Variants in CYP26B1 observed in about 807,000 individuals in gnomAD.
CYP26B1 encodes the protein cytochrome P450 26B1.
In CYP26B1, 8 loss-of-function variants were observed where a neutral mutation model predicts 39.1. The ratio of observed to expected loss-of-function variants is 0.20; its 90% CI spans 0.12 to 0.37. The LOEUF (loss-of-function observed/expected upper bound fraction) is 0.37, where lower values mean the gene tolerates loss of function less well. Among genes scored for constraint, CYP26B1 ranks in the 10% least tolerant of loss-of-function variants. The probability of loss-of-function intolerance (pLI) is 1.00; values close to 1 mark genes in which losing one functional copy is unlikely to be tolerated. For synonymous variants in CYP26B1, 321 were observed against 314.3 expected (o/e 1.02, Z -0.23); for missense variants, 615 against 707.0 (o/e 0.87, Z 1.48).
rs758517680 is a variant in CYP26B1, at chr2:72,144,184, C to T, written c.234G>A (p.Glu78=). 3 of 1,600,356 alleles carry T rather than the reference C, an allele frequency of 1.9e-6. No homozygotes were observed. The highest frequency in any genetic ancestry group is 1.1e-5 in the South Asian group (1 of 90,272). ...QGSGFQSSRR[E]KYGNVFKTHL... ...GCGTCTTGAACACGTTGCCATACTT[C>T]TCCCTCCGCGACGACTGGAAGCCAG... The change falls in exon 2 of 6, where the codon GAG becomes GAA. Residue 78 remains glutamate (E), a synonymous_variant. Coordinates refer to ENST00000001146, the MANE Select transcript of CYP26B1 (RefSeq NM_019885.4).
At chr2:72,143,863 G>T in intron 2 of CYP26B1, 126 bp downstream of exon 2, 2 of 1,162,470 alleles carry the variant, frequency 1.7e-6, no homozygotes, top group Non-Finnish European at 2.5e-6. Flanking sequence ...GGGGAACTGC[G>T]GAGTCTTCAA....
intron 2 of CYP26B1, among the ~76,000 whole-genome samples, chr2:72,139,835 C>A (rs1676887079): frequency 6.6e-6 from 1 of 152,200 alleles, no homozygotes; most frequent in Admixed American, 6.5e-5. Flanking sequence ...TCCCACCACC[C>A]CAGACTCCAT....
In CYP26B1 at chr2:72,132,016, G is replaced by T; in HGVS notation, c.*211C>A. ...CTGAGCTGATGGTAAATGGGGAGTG[G>T]CTGGAGGGAAGCTGGAGCCAGAAGG... On this transcript the variant is annotated 3_prime_UTR_variant, in exon 6 of 6. Transcript: ENST00000001146. 1 of 610,922 alleles carries T rather than the reference G, an allele frequency of 1.6e-6. No individual in the cohort carries two copies. Among genetic ancestry groups the T allele is most frequent in the Non-Finnish European group, 2.9e-6 (1 of 347,962 alleles). The allele number at this position is 610,922 out of a possible 1,614,324, so 37.8% of individuals were successfully genotyped here. A position where few individuals can be genotyped will look rare whatever the true frequency, so the allele number is the denominator to read the frequency against.
chr2:72,137,312 T>C (rs1297366007), intron 2 of CYP26B1, among the ~76,000 whole-genome samples: 1 of 152,186 alleles, frequency 6.6e-6, no homozygotes, highest in Non-Finnish European at 1.5e-5. Context: ...AGTGTGATCA[T>C]GGCCAAGTGG....
intron 2 of CYP26B1, among the ~76,000 whole-genome samples, chr2:72,141,807 A>G (rs958460342): frequency 6.6e-6 from 1 of 152,224 alleles, no homozygotes; most frequent in Non-Finnish European, 1.5e-5. Context: ...GTAAACTGAA[A>G]TCATCAGTTA....
At chr2:72,137,222 T>G (rs1676803026) in intron 2 of CYP26B1, among the ~76,000 whole-genome samples, 1 of 152,112 alleles carries the variant, frequency 6.6e-6, no homozygotes, top group Non-Finnish European at 1.5e-5. Flanking sequence ...CCAGCCAAAG[T>G]CGAAGCTGGT....
chr2:72,144,683 T>TG (rs770824996), intron 1 of CYP26B1, among the ~76,000 whole-genome samples: 1 of 152,178 alleles, frequency 6.6e-6, no homozygotes, highest in African/African-American at 2.4e-5. Context: ...CAACTACAGA[T>TG]GGGGGTTGGA....
Position 72,133,281 on chromosome 2 carries a change from C to T in CYP26B1, c.888G>A (p.Ala296=), listed in dbSNP as rs778121241. The T allele has an allele frequency of 2.0e-5, 32 of 1,608,522 alleles. No homozygotes were observed. The highest frequency in any genetic ancestry group is 2.5e-5 in the Non-Finnish European group (30 of 1,179,682). Residue 296 remains alanine (A), a synonymous_variant, in exon 5 of 6, where the codon GCG becomes GCA. Coordinates refer to ENST00000001146, the MANE Select transcript of CYP26B1 (RefSeq NM_019885.4). ...TGGCGCTGGCCGTGGTGGCATAGGCCGCAAAGATCAGCTCCAGGGTCCCGT... is the reference window on the plus strand; with the variant it reads ...TGGCGCTGGCCGTGGTGGCATAGGCTGCAAAGATCAGCTCCAGGGTCCCGT... ...LKDGTLELIF[A]AYATTASAST...
At chr2:72,146,702 C>A (rs916504389) in intron 1 of CYP26B1, among the ~76,000 whole-genome samples, 2 of 152,228 alleles carry the variant, frequency 1.3e-5, no homozygotes, top group Middle Eastern at 3.2e-3. Flanking sequence ...CGCGTACACA[C>A]AAATACACCT....
At position 72,131,463 on chromosome 2, in the gene CYP26B1, A is replaced by T. The variant is rs1254497044; in HGVS notation, c.*764T>A. 6.6e-6 allele frequency: 1 copy of T among 152,352 alleles called. No individual in the cohort carries two copies. Among genetic ancestry groups the T allele is most frequent in the Non-Finnish European group, 1.5e-5 (1 of 68,092 alleles). The allele number at this position is 152,352 out of a possible 1,614,324, so 9.4% of individuals were successfully genotyped here. Reference sequence around the variant, plus strand: ...CAAGATTCTCTATCAGTGAATAAATATGGGGGCGGGCAGCACATGAGCCGC... The same window carrying T: ...CAAGATTCTCTATCAGTGAATAAATTTGGGGGCGGGCAGCACATGAGCCGC... On this transcript the variant is annotated 3_prime_UTR_variant, in exon 6 of 6. Transcript: ENST00000001146.
At position 72,147,265 on chromosome 2, in the gene CYP26B1, G is replaced by C. The variant is rs1218136121; in HGVS notation, c.204+366C>G. Among the ~76,000 whole-genome samples, 5 of 152,284 alleles carry C rather than the reference G, an allele frequency of 3.3e-5. No homozygotes were observed. Among genetic ancestry groups the C allele is most frequent in the African/African-American group, 1.2e-4 (5 of 41,574 alleles). ...GGCGACTGGGGGCTTGCAGCACCGAGGGGAGGCGAAAGCGGCTCAGGACCG... is the reference window on the plus strand; with the variant it reads ...GGCGACTGGGGGCTTGCAGCACCGACGGGAGGCGAAAGCGGCTCAGGACCG... On this transcript the variant is annotated intron_variant, in intron 1 of 5. Coordinates refer to ENST00000001146, the MANE Select transcript of CYP26B1 (RefSeq NM_019885.4). The surrounding 1 kb of genome is among the most constrained non-coding windows in gnomAD (Gnocchi z 6.1).
chr2:72,136,689 C>T (rs973791775), intron 2 of CYP26B1, among the ~76,000 whole-genome samples: 2 of 152,204 alleles, frequency 1.3e-5, no homozygotes, highest in Admixed American at 1.3e-4. Flanking sequence ...GTCATTCACA[C>T]CTTGCCCAGT....
intron 2 of CYP26B1, among the ~76,000 whole-genome samples, chr2:72,142,729 C>T (rs1676978069): frequency 1.3e-5 from 2 of 152,196 alleles, no homozygotes; most frequent in Admixed American, 6.5e-5. Flanking sequence ...ACAGCCCCTT[C>T]CAGCCACTCC....
At position 72,147,542 on chromosome 2, in the gene CYP26B1, C is replaced by T; in HGVS notation, c.204+89G>A. 2.2e-6 allele frequency: 3 copies of T among 1,352,168 alleles called. No homozygotes were observed. The highest frequency in any genetic ancestry group is 3.0e-5 in the African/African-American group (2 of 65,698). 83.8% of individuals were successfully genotyped at this position (1,352,168 alleles called of 1,614,324 possible). ...GGCGGGGACCAGTGCCTTCAGGCTC[C>T]CGGCGCCCCCTGGCCGGCCCGCCGC... On this transcript the variant is annotated intron_variant, in intron 1 of 5. Coordinates refer to ENST00000001146, the MANE Select transcript of CYP26B1 (RefSeq NM_019885.4). The surrounding 1 kb of genome is among the most constrained non-coding windows in gnomAD (Gnocchi z 6.1).
intron 4 of CYP26B1, among the ~76,000 whole-genome samples, chr2:72,134,212 G>C (rs1676685289): frequency 6.6e-6 from 1 of 152,134 alleles, no homozygotes; most frequent in Non-Finnish European, 1.5e-5. Flanking sequence ...GCAGAGCCCA[G>C]GTGGGGATGG....
chr2:72,134,922 G>A lies in CYP26B1; in HGVS notation c.706-6C>T, dbSNP rs1558967606. ...ATCTGCCGAGCCTGAATGCCCTGCAGAGGTGAGGGCTGTCACTCATATGGA... is the reference window on the plus strand; with the variant it reads ...ATCTGCCGAGCCTGAATGCCCTGCAAAGGTGAGGGCTGTCACTCATATGGA... On this transcript the variant is annotated splice_polypyrimidine_tract_variant and splice_region_variant and intron_variant, in intron 3 of 5. Transcript: ENST00000001146. The A allele has an allele frequency of 6.2e-7, 1 of 1,613,560 alleles. No individual in the cohort carries two copies. The highest frequency in any genetic ancestry group is 2.2e-5 in the East Asian group (1 of 44,860).
intron 2 of CYP26B1, among the ~76,000 whole-genome samples, chr2:72,140,302 G>A (rs564110843): frequency 1.3e-4 from 20 of 152,352 alleles, no homozygotes; most frequent in East Asian, 3.9e-4. Context: ...GCAGCTGACC[G>A]TGGGCTCCCT....
chr2:72,141,061 C>A (rs3768641), intron 2 of CYP26B1, among the ~76,000 whole-genome samples: 2 of 152,072 alleles, frequency 1.3e-5, no homozygotes, highest in African/African-American at 4.8e-5. Flanking sequence ...CTTCTAGAAC[C>A]ATTCTCTAGC....
rs991501726 is a variant in CYP26B1, at chr2:72,147,493, C to G, written c.204+138G>C. The stretch of plus-strand genomic sequence containing the variant: ...CGGGCTGGGGAAGCCCGGGCTGCTG[C>G]GGCAGAGAGGAGGGAAGGGGCGGGG... On this transcript the variant is annotated intron_variant, in intron 1 of 5. Transcript: ENST00000001146. The surrounding 1 kb of genome is among the most constrained non-coding windows in gnomAD (Gnocchi z 6.1). 6 of 885,060 alleles carry G rather than the reference C, an allele frequency of 6.8e-6. No homozygotes were observed. The African/African-American group carries it at 9.0e-5, about 13-fold the overall frequency. 54.8% of individuals were successfully genotyped at this position (885,060 alleles called of 1,614,324 possible). A position where few individuals can be genotyped will look rare whatever the true frequency, so the allele number is the denominator to read the frequency against.
Sources: gnomAD v4.1 joint callset for allele counts (sites outside exome capture counted in the v4.1 genomes callset) on GRCh38, gnomAD v4.1.1 for gene constraint, Gnocchi (gnomAD v3.1) non-coding constraint, MANE v1.5 for transcripts, NCBI Gene and HGNC (gene_info 2026-07-23, HGNC 2026-07-21) for gene names.